Variants in LRPPRC observed in about 807,000 individuals in gnomAD.
LRPPRC encodes leucine rich pentatricopeptide repeat containing, also known as leucine-rich PPR motif-containing protein, mitochondrial.
Under a neutral mutation model 180.3 loss-of-function variants are expected in LRPPRC, and 120 were observed. That is an observed-to-expected ratio of 0.67 (90% CI 0.57 to 0.77). LRPPRC has a LOEUF of 0.77. LRPPRC is among the 30% of genes least tolerant of loss of function. LRPPRC has a pLI of 0.00. For missense variants in LRPPRC, 2,012 were observed against 1,657.2 expected, an observed-to-expected ratio of 1.21 and a Z score of -3.72; for synonymous variants, 723 against 600.0, an observed-to-expected ratio of 1.21 and a Z score of -3.00.
intron 18 of LRPPRC, 89 bp downstream of exon 18, chr2:43,948,033 A>G: frequency 1.0e-6 from 1 of 970,336 alleles, no homozygotes; most frequent in Admixed American, 1.8e-5. Flanking sequence ...TTTTTTTCTG[A>G]CCAAAAGCAT....
Position 43,888,335 on chromosome 2 carries a change from A to G in LRPPRC, c.*265T>C. On this transcript the variant is annotated 3_prime_UTR_variant, in exon 38 of 38. Coordinates refer to ENST00000260665, the MANE Select transcript of LRPPRC (RefSeq NM_133259.4). ...ACAGAGCAGGGAAACCAAAGAGCCA[A>G]TTAGGGGAAGAATCCTGAAAAAGTA... The G allele has an allele frequency of 2.6e-6, 1 of 380,122 alleles. No homozygotes were observed. The highest frequency in any genetic ancestry group is 4.1e-5 in the Admixed American group (1 of 24,562). 23.5% of individuals were successfully genotyped at this position (380,122 alleles called of 1,614,324 possible).
In LRPPRC at chr2:43,975,144, G is replaced by C; in HGVS notation, c.811C>G (p.Leu271Val). 2 of 1,613,184 alleles carry C rather than the reference G, an allele frequency of 1.2e-6. No homozygotes were observed. The highest frequency in any genetic ancestry group is 2.2e-5 in the South Asian group (2 of 91,062). The change falls in exon 7 of 38, where the codon CTC becomes GTC. Residue 271 changes from leucine (L) to valine (V), a missense_variant. Coordinates refer to ENST00000260665, the MANE Select transcript of LRPPRC (RefSeq NM_133259.4). ...TCAGCATATGCATTCAATAATGCGA[G>C]GTATGTGTCTGGACCAGGCTCAATT... The part of the protein sequence containing the change: ...AGIEPGPDTY[L>V]ALLNAYAEKG...
intron 36 of LRPPRC, among the ~76,000 whole-genome samples, chr2:43,891,345 C>T (rs1270783719): frequency 2.0e-5 from 3 of 152,238 alleles, no homozygotes; most frequent in African/African-American, 7.2e-5. Context: ...GGCTTTAATG[C>T]ACTTTACAGA....
chr2:43,905,507 A>G (rs1435180383), intron 31 of LRPPRC, among the ~76,000 whole-genome samples, 185 bp downstream of exon 31: 1 of 152,270 alleles, frequency 6.6e-6, no homozygotes, highest in East Asian at 1.9e-4. Context: ...AATGACAAGT[A>G]CATTCATATT....
chr2:43,892,500 A>G (rs1055321975), intron 36 of LRPPRC, among the ~76,000 whole-genome samples: 1 of 152,150 alleles, frequency 6.6e-6, no homozygotes, highest in African/African-American at 2.4e-5. Flanking sequence ...TGCTGTAGAG[A>G]CCTACTGCTC....
In LRPPRC at chr2:43,948,353, A is replaced by C. The variant is rs538256262; in HGVS notation, c.1842+59T>G. 8.1e-6 allele frequency: 9 copies of C among 1,113,838 alleles called. No homozygotes were observed. The South Asian group carries it at 1.1e-4, about 14-fold the overall frequency. The allele number at this position is 1,113,838 out of a possible 1,614,324, so 69.0% of individuals were successfully genotyped here. Reference sequence around the variant, plus strand: ...GTTGTACTTAAAAGCAGCAATTTCAAATCTAATAGATACATGTCAGGCAGG... The same window carrying C: ...GTTGTACTTAAAAGCAGCAATTTCACATCTAATAGATACATGTCAGGCAGG... On this transcript the variant is annotated intron_variant, in intron 17 of 37. Coordinates refer to ENST00000260665, the MANE Select transcript of LRPPRC (RefSeq NM_133259.4).
At chr2:43,930,454 T>C (rs1672047956) in intron 25 of LRPPRC, among the ~76,000 whole-genome samples, 1 of 152,170 alleles carries the variant, frequency 6.6e-6, no homozygotes, top group African/African-American at 2.4e-5. Flanking sequence ...ATTTCAGATT[T>C]TTCTGACTTT....
At chr2:43,977,634 C>T (rs983996121) in intron 3 of LRPPRC, among the ~76,000 whole-genome samples, 1 of 152,152 alleles carries the variant, frequency 6.6e-6, no homozygotes, top group Non-Finnish European at 1.5e-5. Context: ...TACAGACACA[C>T]TGTGAAGAAT....
chr2:43,995,490 C>G (rs565583013), intron 1 of LRPPRC, among the ~76,000 whole-genome samples: 118 of 152,354 alleles, frequency 7.7e-4, no homozygotes, highest in African/African-American at 2.7e-3. Context: ...CTTCCCAAAG[C>G]AGTCTTCAAA....
chr2:43,931,878 C>G (rs753269124), intron 25 of LRPPRC, among the ~76,000 whole-genome samples: 2 of 151,950 alleles, frequency 1.3e-5, no homozygotes, highest in Non-Finnish European at 2.9e-5. Flanking sequence ...CCAGTTGGAC[C>G]AGTTTCCCCT....
chr2:43,992,569 G>C (rs1674829666), intron 1 of LRPPRC, among the ~76,000 whole-genome samples: 1 of 152,208 alleles, frequency 6.6e-6, no homozygotes, highest in Non-Finnish European at 1.5e-5. Flanking sequence ...AAAATGACAT[G>C]ATCAAATTAT....
rs781655636 is a variant in LRPPRC at position 43,899,459 on chromosome 2, A to G, written c.3709+7T>C. 1 of 1,614,142 alleles carries G rather than the reference A, an allele frequency of 6.2e-7. No homozygotes were observed. On this transcript the variant is annotated splice_region_variant and intron_variant, in intron 33 of 37. Coordinates refer to ENST00000260665, the MANE Select transcript of LRPPRC (RefSeq NM_133259.4). ...TGTGTGTTCTTTAGCACAAACAACTAACTTACTCTTTTCAACTGCTGGTTC... is the reference window on the plus strand; with the variant it reads ...TGTGTGTTCTTTAGCACAAACAACTGACTTACTCTTTTCAACTGCTGGTTC...
chr2:43,896,788 G>C (rs1670702458), intron 34 of LRPPRC, 80 bp from the exon 35 acceptor site: 2 of 867,118 alleles, frequency 2.3e-6, no homozygotes, highest in Admixed American at 3.5e-5. Flanking sequence ...AATTAAGAAA[G>C]TTCACAATAA....
chr2:43,975,322 T>C, intron 6 of LRPPRC, 105 bp from the exon 7 acceptor site: 1 of 918,156 alleles, frequency 1.1e-6, no homozygotes, highest in Non-Finnish European at 1.7e-6. Flanking sequence ...TAAGTACCAT[T>C]TGGAATTATG....
At position 43,946,249 on chromosome 2, in the gene LRPPRC, A is replaced by T. The variant is rs1672677957; in HGVS notation, c.2080-6T>A. On this transcript the variant is annotated splice_region_variant and splice_polypyrimidine_tract_variant and intron_variant, in intron 20 of 37. Coordinates refer to ENST00000260665, the MANE Select transcript of LRPPRC (RefSeq NM_133259.4). ...TCAAGGGCTTTTTGCATATTCTAAA[A>T]TACAGCATAGATGTGAAAAAGAAGA... 4 of 1,607,838 alleles carry T rather than the reference A, an allele frequency of 2.5e-6. No individual in the cohort carries two copies. Among genetic ancestry groups the T allele is most frequent in the Non-Finnish European group, 3.4e-6 (4 of 1,174,718 alleles).
At position 43,983,311 on chromosome 2, in the gene LRPPRC, A is replaced by G. The variant is rs1375120401; in HGVS notation, c.150-877T>C. Among the ~76,000 whole-genome samples, 36 of 149,268 alleles carry G rather than the reference A, an allele frequency of 2.4e-4. No individual in the cohort carries two copies. In the Admixed American group the frequency reaches 2.4e-3, roughly 10 times the overall value. On this transcript the variant is annotated intron_variant, in intron 1 of 37. Coordinates refer to ENST00000260665, the MANE Select transcript of LRPPRC (RefSeq NM_133259.4). ...TAGGCTGTACCTTTTTTTAAAATAA[A>G]CACAATTTTTTACAGAGACTAGGAA...
In LRPPRC at chr2:43,964,210, GAAT is replaced by G. The variant is rs140579377; in HGVS notation, c.1370-507_1370-505del. ...AAAAATTAATAGAGAACAATTTAATGAATTATTGTCTAATTGTATTTAAAACTA... is the reference window on the plus strand; with the variant it reads ...AAAAATTAATAGAGAACAATTTAATGTATTGTCTAATTGTATTTAAAACTA... On this transcript the variant is annotated intron_variant, in intron 11 of 37. Transcript: ENST00000260665. 1.4e-4 allele frequency among the ~76,000 whole-genome samples: 21 copies of G among 152,214 alleles called. No homozygotes were observed. In the East Asian group the frequency reaches 3.9e-3, roughly 28 times the overall value.
At position 43,949,616 on chromosome 2, in the gene LRPPRC, G is replaced by C; in HGVS notation, c.1721C>G (p.Pro574Arg). ...LYKDGRYCQE[P>R]RGPTEAVGYF... ...TGAAACGCTACCCGTCGGTCCTCGA[G>C]GCTCCTGGCAATAACGTCCATCCTT... is the stretch of plus-strand genomic sequence containing the variant. Residue 574 changes from proline to arginine, a missense_variant, in exon 16 of 38, where the codon CCT becomes CGT. Transcript: ENST00000260665. The C allele has an allele frequency of 3.1e-6, 5 of 1,613,972 alleles. No homozygotes were observed. Among genetic ancestry groups the C allele is most frequent in the Non-Finnish European group, 4.2e-6 (5 of 1,179,918 alleles).
chr2:43,918,936 A>G (rs1428388287), intron 27 of LRPPRC, among the ~76,000 whole-genome samples: 1 of 151,740 alleles, frequency 6.6e-6, no homozygotes, highest in South Asian at 2.1e-4. Context: ...CAATATACAT[A>G]TATCTGTGAT....
Sources: gnomAD v4.1 joint callset for allele counts (sites outside exome capture counted in the v4.1 genomes callset) on GRCh38, gnomAD v4.1.1 for gene constraint, MANE v1.5 for transcripts, NCBI Gene and HGNC (gene_info 2026-07-23, HGNC 2026-07-21) for gene names.